Variants in ANKIB1 observed in about 807,000 individuals in gnomAD.
ANKIB1 encodes the protein ankyrin repeat and IBR domain-containing protein 1.
A neutral mutation model predicts 122.1 loss-of-function variants in ANKIB1; 43 were observed. That is an observed-to-expected ratio of 0.35 (90% CI 0.28 to 0.45). The LOEUF is 0.45. Among genes scored for constraint, ANKIB1 ranks in the 20% least tolerant of loss-of-function variants. The pLI is 1.00. For synonymous variants in ANKIB1, 390 were observed against 442.0 expected (o/e 0.88, Z 1.48); for missense variants, 992 against 1,329.5 (o/e 0.75, Z 3.95).
At chr7:92,332,219 A>T (rs1803187268) in intron 5 of ANKIB1, among the ~76,000 whole-genome samples, 1 of 152,192 alleles carries the variant, frequency 6.6e-6, no homozygotes, top group Non-Finnish European at 1.5e-5. Flanking sequence ...TTGATAAGCA[A>T]ATAAGATTTA....
chr7:92,371,235 A>G (rs1188550167), intron 10 of ANKIB1, among the ~76,000 whole-genome samples: 1 of 152,054 alleles, frequency 6.6e-6, no homozygotes, highest in African/African-American at 2.4e-5. Flanking sequence ...TTTGGGCACA[A>G]GTTTATGGAG....
chr7:92,355,846 C>CTCA lies in ANKIB1; in HGVS notation c.1397+3206_1397+3208dup, dbSNP rs1213146115. On this transcript the variant is annotated intron_variant, in intron 9 of 19. Transcript: ENST00000265742. ...CCCAGGCAACGGAGCGAGACTCCGT[C>CTCA]TCATAATAATAATAATAATAATAAT... 3.5e-5 allele frequency among the ~76,000 whole-genome samples: 4 copies of CTCA among 115,824 alleles called. No individual in the cohort carries two copies. The East Asian group carries it at 8.3e-4, about 24-fold the overall frequency. 76.0% of individuals were successfully genotyped at this position (115,824 alleles called of 152,430 possible). A position where few individuals can be genotyped will look rare whatever the true frequency, so the allele number is the denominator to read the frequency against.
intron 5 of ANKIB1, among the ~76,000 whole-genome samples, chr7:92,333,701 T>C (rs1803227986): frequency 6.6e-6 from 1 of 152,178 alleles, no homozygotes; most frequent in African/African-American, 2.4e-5. Flanking sequence ...CTACCTGACA[T>C]AGTGGATGGG....
chr7:92,376,451 TA>T (rs1167848624), intron 11 of ANKIB1, among the ~76,000 whole-genome samples: 1 of 148,724 alleles, frequency 6.7e-6, no homozygotes, highest in Non-Finnish European at 1.5e-5. Flanking sequence ...TTTTATTTTT[TA>T]TTTTTTTTTT....
chr7:92,297,629 C>T (rs1211393982), intron 2 of ANKIB1, among the ~76,000 whole-genome samples: 1 of 151,996 alleles, frequency 6.6e-6, no homozygotes, highest in Non-Finnish European at 1.5e-5. Context: ...TAATCATCCC[C>T]TGCTCCTAAC....
intron 1 of ANKIB1, among the ~76,000 whole-genome samples, chr7:92,269,409 C>A (rs1317788351): frequency 6.6e-6 from 1 of 152,184 alleles, no homozygotes; most frequent in Non-Finnish European, 1.5e-5. Flanking sequence ...GTGATTTGTT[C>A]TTTCAAGAGA....
At chr7:92,257,634 A>C (rs1462239926) in intron 1 of ANKIB1, among the ~76,000 whole-genome samples, 1 of 152,194 alleles carries the variant, frequency 6.6e-6, no homozygotes, top group African/African-American at 2.4e-5. Flanking sequence ...CTCCACTAAA[A>C]ATAGAAAATA....
chr7:92,382,297 T>TTA (rs942141517), intron 11 of ANKIB1, among the ~76,000 whole-genome samples: 1 of 152,092 alleles, frequency 6.6e-6, no homozygotes, highest in Non-Finnish European at 1.5e-5. Flanking sequence ...ATGGGAGACT[T>TTA]TAACACCCCA....
Position 92,391,248 on chromosome 7 carries a change from A to T in ANKIB1, c.2135A>T (p.Lys712Ile). The change falls in exon 16 of 20, where the codon AAA (lysine) becomes ATA (isoleucine). Residue 712 changes from lysine (K) to isoleucine (I), a missense_variant. By Grantham distance (102) the Lys-to-Ile change is moderately radical. Coordinates refer to ENST00000265742, the MANE Select transcript of ANKIB1 (RefSeq NM_019004.2). ...YLRTPRHKII[K>I]AACLVQQKRQ... ...CGCACACCCCGCCACAAGATCATCAAAGCAGCATGCCTTGTACAGCAGAAG... is the reference window on the plus strand; with the variant it reads ...CGCACACCCCGCCACAAGATCATCATAGCAGCATGCCTTGTACAGCAGAAG... 6.2e-7 allele frequency: 1 copy of T among 1,613,624 alleles called. No individual in the cohort carries two copies. Among genetic ancestry groups the T allele is most frequent in the Non-Finnish European group, 8.5e-7 (1 of 1,179,704 alleles).
rs1232124608 is a variant in ANKIB1, at chr7:92,398,704, G to A, written c.3025G>A (p.Glu1009Lys). Residue 1009 changes from glutamate to lysine, a missense_variant, in exon 20 of 20, where the codon GAA becomes AAA. Around this residue, in one of 4 missense-constraint regions of ANKIB1, gnomAD observed 384 missense variants for 412.0 expected, o/e 0.93. Coordinates refer to ENST00000265742, the MANE Select transcript of ANKIB1 (RefSeq NM_019004.2). ...GCTCCCCTGTATCAAAGATGGGTCAGAAGGTGTGAAGGATGTGGAACTGGT... is the reference window on the plus strand; with the variant it reads ...GCTCCCCTGTATCAAAGATGGGTCAAAAGGTGTGAAGGATGTGGAACTGGT... ...SQLPCIKDGS[E>K]GVKDVELVLP... is the part of the protein sequence containing the mutation. 6.2e-7 allele frequency: 1 copy of A among 1,613,798 alleles called. No homozygotes were observed. Among genetic ancestry groups the A allele is most frequent in the Admixed American group, 1.7e-5 (1 of 60,012 alleles).
chr7:92,283,856 C>T (rs149563441), intron 1 of ANKIB1, among the ~76,000 whole-genome samples: 29 of 152,264 alleles, frequency 1.9e-4, no homozygotes, highest in African/African-American at 5.1e-4. Context: ...CTGCAACCTC[C>T]GTCTCCCTGG....
At chr7:92,371,421 C>T in intron 10 of ANKIB1, 56 bp from the exon 11 acceptor site, 1 of 1,496,696 alleles carries the variant, frequency 6.7e-7, no homozygotes, top group Non-Finnish European at 9.1e-7. Flanking sequence ...TTTTTTTTCC[C>T]CCAGAAGTTG....
intron 1 of ANKIB1, among the ~76,000 whole-genome samples, chr7:92,269,306 T>C (rs1156474344): frequency 1.3e-5 from 2 of 152,174 alleles, no homozygotes; most frequent in Non-Finnish European, 2.9e-5. Context: ...TTGGCTATTA[T>C]CAGGTAAGCC....
intron 1 of ANKIB1, among the ~76,000 whole-genome samples, chr7:92,248,889 T>C (rs1454895741): frequency 6.3e-5 from 3 of 47,686 alleles, no homozygotes; most frequent in Non-Finnish European, 1.5e-4. Flanking sequence ...CTTTTCTTTC[T>C]TTTTTTTTTT....
chr7:92,387,955 C>A lies in ANKIB1; in HGVS notation c.1840-20C>A, dbSNP rs1303315967. Reference sequence around the variant, plus strand: ...ATAAATAAAGAGAATGGTTTAAATTCTTTATTTCTATTCCTTTAGCTAGAA... The same window carrying A: ...ATAAATAAAGAGAATGGTTTAAATTATTTATTTCTATTCCTTTAGCTAGAA... On this transcript the variant is annotated intron_variant, in intron 13 of 19. Transcript: ENST00000265742. The A allele has an allele frequency of 3.1e-6, 5 of 1,595,598 alleles. No individual in the cohort carries two copies.
At chr7:92,251,317 T>C (rs1464098742) in intron 1 of ANKIB1, among the ~76,000 whole-genome samples, 1 of 152,196 alleles carries the variant, frequency 6.6e-6, no homozygotes, top group Non-Finnish European at 1.5e-5. Context: ...GTTCTCCAAA[T>C]AGACATGAAA....
At chr7:92,334,029 A>G (rs1419494158) in intron 5 of ANKIB1, among the ~76,000 whole-genome samples, 8 of 152,202 alleles carry the variant, frequency 5.3e-5, no homozygotes, top group Non-Finnish European at 2.9e-5. Flanking sequence ...AGTTATTATA[A>G]TGACCACTTT....
chr7:92,385,578 G>T (rs927168211), intron 11 of ANKIB1, among the ~76,000 whole-genome samples: 1 of 152,184 alleles, frequency 6.6e-6, no homozygotes, highest in Non-Finnish European at 1.5e-5. Context: ...CATGTCCTTT[G>T]TAGCCACATG....
At chr7:92,338,959 T>A (rs1438873851) in intron 5 of ANKIB1, among the ~76,000 whole-genome samples, 3 of 106,918 alleles carry the variant, frequency 2.8e-5, no homozygotes, top group Admixed American at 9.5e-5. Flanking sequence ...TATATATATA[T>A]ATATATATAT....
Sources: allele counts gnomAD v4.1 joint callset (sites outside exome capture counted in the v4.1 genomes callset), GRCh38; gene constraint gnomAD v4.1.1; regional missense constraint gnomAD v4.1.1; transcripts MANE v1.5; gene names NCBI Gene and HGNC (gene_info 2026-07-23, HGNC 2026-07-21).